The following SCRG1 variants were observed in gnomAD, a reference collection of about 807,000 sequenced individuals.
SCRG1 encodes scrapie-responsive protein 1.
Under a neutral mutation model 7.7 loss-of-function variants are expected in SCRG1, and 3 were observed. The observed-to-expected ratio is 0.39, with a 90% CI of 0.18 to 1.01. SCRG1 has a LOEUF of 1.01. SCRG1 is among the 50% of genes least tolerant of loss of function. The pLI is 0.36. For synonymous variants in SCRG1, 46 were observed against 41.2 expected (o/e 1.12, Z -0.44); for missense variants, 110 against 117.2 (o/e 0.94, Z 0.28).
At chr4:173,448,452 C>T in the SCRG1 span, among the ~76,000 whole-genome samples, 1 of 152,140 alleles carries the variant, frequency 6.6e-6, no homozygotes, top group African/African-American at 2.4e-5. Flanking sequence ...GATTGCTTTT[C>T]AGTTTAAGTC....
the SCRG1 span, among the ~76,000 whole-genome samples, chr4:173,519,045 A>G: frequency 3.3e-5 from 5 of 151,856 alleles, no homozygotes; most frequent in Admixed American, 6.6e-5. Flanking sequence ...GCGAACAGGA[A>G]CCCCCAGGCC....
chr4:173,416,937 C>T, the SCRG1 span, among the ~76,000 whole-genome samples: 1 of 142,976 alleles, frequency 7.0e-6, no homozygotes, highest in African/African-American at 2.7e-5. Flanking sequence ...CACACACACA[C>T]ACACACACAC....
the SCRG1 span, among the ~76,000 whole-genome samples, chr4:173,473,652 C>T: frequency 6.6e-6 from 1 of 152,044 alleles, no homozygotes. Flanking sequence ...AGGGCTCAGT[C>T]GTAGGTGCAG....
the SCRG1 span, among the ~76,000 whole-genome samples, chr4:173,457,782 T>C: frequency 4.6e-5 from 7 of 152,218 alleles, no homozygotes; most frequent in Non-Finnish European, 1.0e-4. Context: ...CTTATACCTA[T>C]ACTACCTGGA....
the SCRG1 span, among the ~76,000 whole-genome samples, chr4:173,479,127 G>A: frequency 5.3e-5 from 8 of 152,088 alleles, no homozygotes; most frequent in African/African-American, 9.6e-5. Context: ...ATTCTACACC[G>A]CTCCAATTCT....
the SCRG1 span, among the ~76,000 whole-genome samples, chr4:173,483,836 A>G: frequency 1.4e-5 from 1 of 70,146 alleles, no homozygotes; most frequent in East Asian, 5.2e-4. Flanking sequence ...TATATAATAT[A>G]TAATATATAA....
At chr4:173,399,880 A>T (rs756186170), upstream of SCRG1, among the ~76,000 whole-genome samples, 14 of 152,176 alleles carry the variant, frequency 9.2e-5, no homozygotes, top group Non-Finnish European at 1.8e-4. Flanking sequence ...TAGACAGACA[A>T]TTGAGGCAAG....
intron 1 of SCRG1, among the ~76,000 whole-genome samples, chr4:173,392,808 T>C (rs1314747055): frequency 6.6e-6 from 1 of 152,128 alleles, no homozygotes; most frequent in Non-Finnish European, 1.5e-5. Flanking sequence ...TATTGTGGAA[T>C]AGCCAGACGT....
At chr4:173,433,500 GC>G in the SCRG1 span, among the ~76,000 whole-genome samples, 2 of 152,264 alleles carry the variant, frequency 1.3e-5, no homozygotes, top group East Asian at 3.9e-4. Context: ...GACATAGCCC[GC>G]CCTGTACACT....
At chr4:173,452,260 C>A in the SCRG1 span, among the ~76,000 whole-genome samples, 1 of 151,610 alleles carries the variant, frequency 6.6e-6, no homozygotes, top group Non-Finnish European at 1.5e-5. Flanking sequence ...AAAAGAAAAT[C>A]ATAAGGAAAA....
chr4:173,451,707 C>T, the SCRG1 span, among the ~76,000 whole-genome samples: 19 of 150,892 alleles, frequency 1.3e-4, no homozygotes, highest in East Asian at 3.5e-3. Context: ...CTCGCTTTGT[C>T]ACCCAGGCTG....
the SCRG1 span, among the ~76,000 whole-genome samples, chr4:173,431,338 C>T: frequency 1.3e-5 from 2 of 152,066 alleles, no homozygotes; most frequent in South Asian, 2.1e-4. Flanking sequence ...GTCTGTACTC[C>T]AGCTGAAAGT....
chr4:173,416,526 G>A, the SCRG1 span, among the ~76,000 whole-genome samples: 1 of 152,244 alleles, frequency 6.6e-6, no homozygotes, highest in Non-Finnish European at 1.5e-5. Context: ...ACTGAGGTGG[G>A]AGGATCGCTT....
At chr4:173,435,514 C>T in the SCRG1 span, among the ~76,000 whole-genome samples, 1 of 152,304 alleles carries the variant, frequency 6.6e-6, no homozygotes, top group Admixed American at 6.5e-5. Context: ...GTGATTTTCC[C>T]AGGCTGTTAC....
At chr4:173,512,362 GTTGTTATTACTTCATC>G in the SCRG1 span, among the ~76,000 whole-genome samples, 2 of 152,232 alleles carry the variant, frequency 1.3e-5, no homozygotes, top group Admixed American at 6.5e-5. Context: ...GTAAGCTTTT[GTTGTTATTACTTCATC>G]TTGTATTATT....
the SCRG1 span, among the ~76,000 whole-genome samples, chr4:173,490,581 G>C: frequency 1.3e-5 from 2 of 152,190 alleles, no homozygotes; most frequent in South Asian, 4.1e-4. Flanking sequence ...ACGTGGAGTT[G>C]CTGCCCGATT....
At chr4:173,457,789 T>C in the SCRG1 span, among the ~76,000 whole-genome samples, 85 of 152,332 alleles carry the variant, frequency 5.6e-4, no homozygotes, top group African/African-American at 1.9e-3. Flanking sequence ...CTATACTACC[T>C]GGAGAGCTTG....
upstream of SCRG1, among the ~76,000 whole-genome samples, chr4:173,402,268 G>A (rs1739781099): frequency 6.6e-6 from 1 of 152,092 alleles, no homozygotes; most frequent in South Asian, 2.1e-4. Context: ...GATGATGTGT[G>A]TGTTTATTTC....
the SCRG1 span, among the ~76,000 whole-genome samples, chr4:173,485,418 C>T: frequency 6.6e-6 from 1 of 150,624 alleles, no homozygotes; most frequent in Non-Finnish European, 1.5e-5. Context: ...ATGACTGAGG[C>T]TATCTGGGCC....
Sources: allele counts gnomAD v4.1 joint callset (sites outside exome capture counted in the v4.1 genomes callset), GRCh38; gene constraint gnomAD v4.1.1; transcripts MANE v1.5; gene names NCBI Gene and HGNC (gene_info 2026-07-23, HGNC 2026-07-21).